SYT14: variants seen among roughly 807,000 people sequenced by gnomAD.
SYT14 encodes the protein synaptotagmin-14.
A neutral mutation model predicts 74.2 loss-of-function variants in SYT14; 32 were observed. That is an observed-to-expected ratio of 0.43 (90% CI 0.33 to 0.58). The LOEUF (loss-of-function observed/expected upper bound fraction) is 0.58, where lower values mean the gene tolerates loss of function less well. Among genes scored for constraint, SYT14 ranks in the 20% least tolerant of loss-of-function variants. SYT14 has a pLI of 0.05. For synonymous variants in SYT14, 298 were observed against 337.7 expected, an observed-to-expected ratio of 0.88 and a Z score of 1.29; for missense variants, 791 against 981.8, an observed-to-expected ratio of 0.81 and a Z score of 2.60.
At chr1:210,114,676 AAG>A (rs1434454880) in intron 7 of SYT14, among the ~76,000 whole-genome samples, 1 of 151,186 alleles carries the variant, frequency 6.6e-6, no homozygotes, top group African/African-American at 2.5e-5. Context: ...GATAAAGAAA[AAG>A]GAGCATTAAC....
rs1460119101 is a variant in SYT14 at position 209,992,708 on chromosome 1, T to C, written c.-485-20925T>C. ...ATAAATAAAAGGCAAATGTAAACCA[T>C]GCTTGCTTAAGAAAACTGAAGGGGG... On this transcript the variant is annotated intron_variant, in intron 2 of 9. Coordinates refer to ENST00000637265, the Ensembl canonical transcript of SYT14. 3.9e-5 allele frequency among the ~76,000 whole-genome samples: 6 copies of C among 152,086 alleles called. No individual in the cohort carries two copies. The East Asian group carries it at 1.2e-3, about 29-fold the overall frequency.
intron 1 of SYT14, among the ~76,000 whole-genome samples, chr1:209,950,659 A>G (rs1254182287): frequency 6.6e-6 from 1 of 152,184 alleles, no homozygotes; most frequent in Non-Finnish European, 1.5e-5. Flanking sequence ...GATCTAACCT[A>G]CTTTGGTGAT....
chr1:209,971,938 T>A (rs2079263021), intron 2 of SYT14, among the ~76,000 whole-genome samples: 1 of 152,202 alleles, frequency 6.6e-6, no homozygotes, highest in South Asian at 2.1e-4. Flanking sequence ...CTTGTTTTTC[T>A]GGAATACATT....
Position 209,963,882 on chromosome 1 carries a change from G to A in SYT14, c.-486+11126G>A, listed in dbSNP as rs568197241. ...CACTTGTAATTTATTTCAGTCAGAG[G>A]TGTGAGGGAAGGATCCAGCTTTATA... On this transcript the variant is annotated intron_variant, in intron 2 of 9. Coordinates refer to ENST00000637265, the Ensembl canonical transcript of SYT14. Among the ~76,000 whole-genome samples, 12 of 152,316 alleles carry A rather than the reference G, an allele frequency of 7.9e-5. No individual in the cohort carries two copies. In the South Asian group the frequency reaches 1.9e-3, roughly 24 times the overall value.
intron 2 of SYT14, among the ~76,000 whole-genome samples, chr1:209,981,922 T>C (rs2079494719): frequency 6.6e-6 from 1 of 152,106 alleles, no homozygotes; most frequent in Non-Finnish European, 1.5e-5. Context: ...GCGTTGACCT[T>C]GGACAGTCTG....
intron 7 of SYT14, among the ~76,000 whole-genome samples, chr1:210,130,383 G>T (rs2082650107): frequency 6.6e-6 from 1 of 152,052 alleles, no homozygotes; most frequent in East Asian, 1.9e-4. Context: ...TTTTTTTCCA[G>T]TGTTCATTGT....
At chr1:209,959,614 GA>G (rs1271050125) in intron 2 of SYT14, among the ~76,000 whole-genome samples, 1 of 152,092 alleles carries the variant, frequency 6.6e-6, no homozygotes, top group Non-Finnish European at 1.5e-5. Context: ...AACAGAGAAA[GA>G]AACCAGACAT....
intron 7 of SYT14, among the ~76,000 whole-genome samples, chr1:210,104,086 T>C (rs1315855068): frequency 6.6e-6 from 1 of 152,192 alleles, no homozygotes; most frequent in African/African-American, 2.4e-5. Flanking sequence ...TGCAGTCAGA[T>C]CATGTTTCCA....
At chr1:210,160,402 G>A (rs926510593) in intron 9 of SYT14, among the ~76,000 whole-genome samples, 4 of 151,976 alleles carry the variant, frequency 2.6e-5, no homozygotes, top group East Asian at 1.9e-4. Context: ...GAATGGGAAC[G>A]GGCAGGGGAG....
rs192570256 is a variant in SYT14 at position 210,020,729 on chromosome 1, T to A, written c.1097-310T>A. 3.0e-4 allele frequency among the ~76,000 whole-genome samples: 46 copies of A among 152,272 alleles called. 1 individual carries two copies. The South Asian group carries it at 4.6e-3, about 15-fold the overall frequency. On this transcript the variant is annotated intron_variant, in intron 4 of 9. Transcript: ENST00000637265. ...CTTTATATGTAACATGGTTGAAAAATCCCTGTGACTAACAAACATTATTTA... is the reference window on the plus strand; with the variant it reads ...CTTTATATGTAACATGGTTGAAAAAACCCTGTGACTAACAAACATTATTTA...
At chr1:210,061,462 A>G (rs1190920748) in intron 5 of SYT14, among the ~76,000 whole-genome samples, 2 of 151,926 alleles carry the variant, frequency 1.3e-5, no homozygotes, top group African/African-American at 4.8e-5. Context: ...TCAAAAATAG[A>G]TGTTTATAGA....
chr1:210,000,463 T>TACACAC (rs1238374511), intron 2 of SYT14, among the ~76,000 whole-genome samples: 162 of 67,798 alleles, frequency 2.4e-3, no homozygotes, highest in African/African-American at 0.014. Flanking sequence ...TTTGTCCTCA[T>TACACAC]ACGCACACAC....
At chr1:210,102,819 C>G (rs1173961851) in intron 7 of SYT14, among the ~76,000 whole-genome samples, 2 of 151,744 alleles carry the variant, frequency 1.3e-5, no homozygotes, top group East Asian at 3.9e-4. Context: ...ATAGCTAGGA[C>G]TACAGGTGCA....
intron 5 of SYT14, among the ~76,000 whole-genome samples, chr1:210,028,734 G>T (rs943283611): frequency 6.6e-5 from 10 of 152,150 alleles, no homozygotes; most frequent in Non-Finnish European, 1.5e-4. Context: ...CTATGCACAT[G>T]GGTGTACAAA....
At chr1:210,082,215 G>A (rs973614598) in intron 5 of SYT14, among the ~76,000 whole-genome samples, 11 of 152,164 alleles carry the variant, frequency 7.2e-5, no homozygotes, top group African/African-American at 2.7e-4. Context: ...TATTGGAAAC[G>A]TAAATGTTTT....
chr1:210,110,155 A>G (rs1033145345), intron 7 of SYT14, among the ~76,000 whole-genome samples: 1 of 152,148 alleles, frequency 6.6e-6, no homozygotes, highest in South Asian at 2.1e-4. Flanking sequence ...ATTAGGAGAA[A>G]TACCTAATGT....
chr1:210,146,450 T>G (rs1487023239), intron 7 of SYT14, among the ~76,000 whole-genome samples: 3 of 139,770 alleles, frequency 2.1e-5, no homozygotes, highest in Non-Finnish European at 4.9e-5. Context: ...CTAAAAACTG[T>G]TAAACAAAAT....
chr1:210,002,326 G>A (rs1316316299), intron 2 of SYT14, among the ~76,000 whole-genome samples: 1 of 151,734 alleles, frequency 6.6e-6, no homozygotes, highest in Non-Finnish European at 1.5e-5. Flanking sequence ...TTTTCTTTAA[G>A]TTTTACCACC....
chr1:210,052,680 A>AAAAAAAAAAAAAAAAAAAAAC (rs2081023305), intron 5 of SYT14, among the ~76,000 whole-genome samples: 1 of 150,114 alleles, frequency 6.7e-6, no homozygotes, highest in Non-Finnish European at 1.5e-5. Flanking sequence ...AAAAAAAAAA[A>AAAAAAAAAAAAAAAAAAAAAC]AAAAGCTCTC....
Sources: allele counts gnomAD v4.1 joint callset (sites outside exome capture counted in the v4.1 genomes callset), GRCh38; gene constraint gnomAD v4.1.1; transcripts MANE v1.5; gene names NCBI Gene and HGNC (gene_info 2026-07-23, HGNC 2026-07-21).